The following DSG1 variants were observed in gnomAD, a reference collection of about 807,000 sequenced individuals.
DSG1 encodes the protein desmoglein-1.
Under a neutral mutation model 97.5 loss-of-function variants are expected in DSG1, and 39 were observed. That is an observed-to-expected ratio of 0.40 (90% CI 0.31 to 0.52). DSG1 has a LOEUF of 0.52. DSG1 is among the 20% of genes least tolerant of loss of function. DSG1 has a pLI of 0.53. For synonymous variants in DSG1, 475 were observed against 443.4 expected, an observed-to-expected ratio of 1.07 and a Z score of -0.90; for missense variants, 1,311 against 1,295.4, an observed-to-expected ratio of 1.01 and a Z score of -0.18.
chr18:31,323,562 T>A (rs10438909), intron 1 of DSG1, among the ~76,000 whole-genome samples: 55,989 of 152,066 alleles, frequency 0.37, 12,262 homozygotes, highest in Non-Finnish European at 0.49. Flanking sequence ...ATCTTCCTGC[T>A]GAACATCTCT....
chr18:31,320,624 A>T (rs1425523137), intron 1 of DSG1, among the ~76,000 whole-genome samples: 3 of 152,206 alleles, frequency 2.0e-5, no homozygotes, highest in Non-Finnish European at 4.4e-5. Flanking sequence ...GCAAGAGATT[A>T]CACCTGCTAT....
chr18:31,338,387 T>C lies in DSG1; in HGVS notation c.1338T>C (p.Asn446=), dbSNP rs2071768172. Residue 446 remains asparagine (N), a synonymous_variant, in exon 10 of 15, where the codon AAT becomes AAC. Coordinates refer to ENST00000257192, the MANE Select transcript of DSG1 (RefSeq NM_001942.4). The stretch of plus-strand genomic sequence containing the variant: ...GAACAGGCAAACTCACTTTGAAAAA[T>C]AAAGTTACCAAGGAACAGTACAATA... ...DSRTGKLTLK[N]KVTKEQYNML... The C allele has an allele frequency of 6.2e-7, 1 of 1,613,654 alleles. No homozygotes were observed. The highest frequency in any genetic ancestry group is 1.1e-5 in the South Asian group (1 of 91,082).
chr18:31,332,638 G>A (rs1300078666), intron 6 of DSG1, among the ~76,000 whole-genome samples: 1 of 152,046 alleles, frequency 6.6e-6, no homozygotes, highest in Non-Finnish European at 1.5e-5. Context: ...AAGTGAGGAA[G>A]CTTTATTTTC....
chr18:31,333,668 G>A lies in DSG1; in HGVS notation c.764G>A (p.Cys255Tyr), dbSNP rs1426229141. ...GATGGCATGTCAGCGGAATGTGAGT[G>A]CAACATTAAAATCCTCGATGTCAAT... ...GADGMSAECE[C>Y]NIKILDVNDN... The change falls in exon 7 of 15, where the codon TGC (cysteine) becomes TAC (tyrosine). Residue 255 changes from cysteine to tyrosine, a missense_variant. By Grantham distance (194) the Cys-to-Tyr change is radical. Around this residue, in one of 3 missense-constraint regions of DSG1, gnomAD observed 14 missense variants for 26.7 expected, o/e 0.52. Coordinates refer to ENST00000257192, the MANE Select transcript of DSG1 (RefSeq NM_001942.4). 6.2e-7 allele frequency: 1 copy of A among 1,613,734 alleles called. No individual in the cohort carries two copies. The highest frequency in any genetic ancestry group is 8.5e-7 in the Non-Finnish European group (1 of 1,179,742).
chr18:31,346,755 T>C (rs2071842051), intron 14 of DSG1, among the ~76,000 whole-genome samples: 1 of 152,250 alleles, frequency 6.6e-6, no homozygotes, highest in Admixed American at 6.5e-5. Context: ...TACACATTTA[T>C]AGAACCTATC....
chr18:31,336,664 A>G (rs2071756369), intron 9 of DSG1, 51 bp downstream of exon 9: 2 of 1,571,216 alleles, frequency 1.3e-6, no homozygotes, highest in South Asian at 1.1e-5. Flanking sequence ...ACTTAAGTAC[A>G]TATGTTCTTT....
intron 6 of DSG1, 51 bp from the exon 7 acceptor site, chr18:31,333,538 G>T (rs762107497): frequency 1.2e-6 from 2 of 1,612,426 alleles, no homozygotes; most frequent in South Asian, 1.1e-5. Flanking sequence ...ATAAGACAAA[G>T]TAAAGGCTGT....
chr18:31,356,265 T>C lies in DSG1; in HGVS notation c.*919T>C, dbSNP rs187083569. ...GCAAATGACCTTCCAAGTAAGCAGA[T>C]GGGAACTGAATTGTGTTTTCAGGTT... On this transcript the variant is annotated 3_prime_UTR_variant, in exon 15 of 15. Coordinates refer to ENST00000257192, the MANE Select transcript of DSG1 (RefSeq NM_001942.4). 2.4e-3 allele frequency: 365 copies of C among 152,280 alleles called. 1 individual carries two copies. Among genetic ancestry groups the C allele is most frequent in the African/African-American group, 7.7e-3 (318 of 41,558 alleles). The allele number at this position is 152,280 out of a possible 1,614,324, so 9.4% of individuals were successfully genotyped here.
chr18:31,336,502 T>C lies in DSG1; in HGVS notation c.1154T>C (p.Phe385Ser), dbSNP rs762555850. 6.2e-7 allele frequency: 1 copy of C among 1,614,016 alleles called. No individual in the cohort carries two copies. Among genetic ancestry groups the C allele is most frequent in the Non-Finnish European group, 8.5e-7 (1 of 1,179,934 alleles). The change falls in exon 9 of 15, where the codon TTT becomes TCT. Residue 385 changes from phenylalanine to serine, a missense_variant. Transcript: ENST00000257192. The stretch of plus-strand genomic sequence containing the variant: ...TTAAATGTAATTGAAGGCCCAGTGT[T>C]TCGTCCAGGTTCAAAGACATATGTT... The part of the protein sequence containing the change: ...TVLNVIEGPV[F>S]RPGSKTYVVT...
chr18:31,345,889 T>C (rs531971397), intron 13 of DSG1, 101 bp from the exon 14 acceptor site: 4 of 846,526 alleles, frequency 4.7e-6, no homozygotes, highest in African/African-American at 1.7e-5. Flanking sequence ...TGTTCACAAA[T>C]GCATACCTAA....
intron 11 of DSG1, 48 bp from the exon 12 acceptor site, chr18:31,343,402 T>G: frequency 6.2e-7 from 1 of 1,613,426 alleles, no homozygotes; most frequent in African/African-American, 1.3e-5. Flanking sequence ...TTTTGTTTTT[T>G]ATTTGCACCC....
In DSG1 at chr18:31,355,254, G is replaced by T. The variant is rs2071945773; in HGVS notation, c.3058G>T (p.Asp1020Tyr). ...CATTGGCCACATGAGGAGTTCCTCT[G>T]ACCATCACTTTAACCAAACCATTGG... ...ASIGHMRSSS[D>Y]HHFNQTIGSA... Residue 1020 changes from aspartate (D) to tyrosine (Y), a missense_variant, in exon 15 of 15, where the codon GAC (aspartate) becomes TAC (tyrosine). Transcript: ENST00000257192. 1.9e-6 allele frequency: 3 copies of T among 1,612,294 alleles called. No homozygotes were observed. Among genetic ancestry groups the T allele is most frequent in the Non-Finnish European group, 2.5e-6 (3 of 1,178,854 alleles).
chr18:31,322,368 A>T (rs2071659988), intron 1 of DSG1, among the ~76,000 whole-genome samples: 1 of 152,264 alleles, frequency 6.6e-6, no homozygotes. Flanking sequence ...TATTAAACAT[A>T]GAAATAATAA....
chr18:31,336,625 A>T lies in DSG1; in HGVS notation c.1265+12A>T. On this transcript the variant is annotated intron_variant, in intron 9 of 14. Transcript: ENST00000257192. ...TCAACGACTGTTAGGTAAGAATGAG[A>T]TTTTCAACTAATTTTCCTTACATAT... The T allele has an allele frequency of 6.2e-7, 1 of 1,613,842 alleles. No homozygotes were observed. The highest frequency in any genetic ancestry group is 1.1e-5 in the South Asian group (1 of 91,056).
Position 31,330,447 on chromosome 18 carries a change from C to T in DSG1, c.517+411C>T, listed in dbSNP as rs528849395. Among the ~76,000 whole-genome samples the T allele has an allele frequency of 1.3e-4, 20 of 152,178 alleles. No individual in the cohort carries two copies. The South Asian group carries it at 2.7e-3, about 21-fold the overall frequency. ...TAAAATCACTTATAGAAATCACTTC[C>T]ACACAAAACTTCTTTTTGTGATTTA... On this transcript the variant is annotated intron_variant, in intron 5 of 14. Coordinates refer to ENST00000257192, the MANE Select transcript of DSG1 (RefSeq NM_001942.4).
chr18:31,338,487 A>G (rs1362356938), intron 10 of DSG1, 33 bp downstream of exon 10: 2 of 1,605,218 alleles, frequency 1.2e-6, no homozygotes, highest in Non-Finnish European at 1.7e-6. Flanking sequence ...TATCTTTTCT[A>G]GAGAAAGCTG....
rs1339832694 is a variant in DSG1, at chr18:31,343,581, A to G, written c.1819A>G (p.Arg607Gly). 4 of 1,614,142 alleles carry G rather than the reference A, an allele frequency of 2.5e-6. No individual in the cohort carries two copies. The highest frequency in any genetic ancestry group is 2.2e-5 in the East Asian group (1 of 44,868). Residue 607 changes from arginine (R) to glycine (G), a missense_variant and splice_region_variant, in exon 12 of 15, where the codon AGG (arginine) becomes GGG (glycine). Around this residue, in one of 3 missense-constraint regions of DSG1, gnomAD observed 1,038 missense variants for 964.6 expected, o/e 1.08. Transcript: ENST00000257192. ...AGTAGAAGGACCACAGCCTGAACCC[A>G]GGGTAAGTGCCACATTCTAAGAAAT... ...WAVEGPQPEPRDITTVIPQIP... is the reference protein window; with the variant it reads ...WAVEGPQPEPGDITTVIPQIP...
chr18:31,338,113 T>G (rs552146177), intron 9 of DSG1, among the ~76,000 whole-genome samples: 1 of 152,304 alleles, frequency 6.6e-6, no homozygotes, highest in East Asian at 1.9e-4. Flanking sequence ...TCAGTAATTT[T>G]TTTTTCTTAA....
chr18:31,328,535 T>C (rs2071700851), intron 4 of DSG1, among the ~76,000 whole-genome samples, 191 bp downstream of exon 4: 1 of 152,156 alleles, frequency 6.6e-6, no homozygotes, highest in Non-Finnish European at 1.5e-5. Context: ...TTCACTTAAG[T>C]GTCAGCAAAA....
Sources: gnomAD v4.1 joint callset for allele counts (sites outside exome capture counted in the v4.1 genomes callset) on GRCh38, gnomAD v4.1.1 for gene constraint, gnomAD v4.1.1 regional missense constraint, MANE v1.5 for transcripts, NCBI Gene and HGNC (gene_info 2026-07-23, HGNC 2026-07-21) for gene names.